Variants in RABGAP1L observed in about 807,000 individuals in gnomAD.
The protein encoded by RABGAP1L is RAB GTPase activating protein 1 like.
A neutral mutation model predicts 137.7 loss-of-function variants in RABGAP1L; 63 were observed. That is an observed-to-expected ratio of 0.46 (90% CI 0.37 to 0.56). RABGAP1L has a LOEUF of 0.56. Ranked by LOEUF, RABGAP1L falls within the 20% of genes least tolerant of loss-of-function variation. The pLI, the probability that RABGAP1L is intolerant of heterozygous loss-of-function variation, is 0.00. For missense variants in RABGAP1L, 1,095 were observed against 1,244.0 expected, an observed-to-expected ratio of 0.88 and a Z score of 1.80; for synonymous variants, 431 against 433.7, an observed-to-expected ratio of 0.99 and a Z score of 0.08.
intron 12 of RABGAP1L, among the ~76,000 whole-genome samples, chr1:174,383,022 G>C (rs1160960358): frequency 1.3e-5 from 2 of 151,178 alleles, no homozygotes; most frequent in Non-Finnish European, 2.9e-5. Flanking sequence ...AGGACCCTCA[G>C]CTGCAGGTCT....
rs181017811 is a variant in RABGAP1L, at chr1:174,718,310, C to A, written c.2169+16054C>A. Among the ~76,000 whole-genome samples the A allele has an allele frequency of 3.3e-5, 5 of 152,306 alleles. No individual in the cohort carries two copies. The East Asian group carries it at 9.7e-4, about 29-fold the overall frequency. Reference sequence around the variant, plus strand: ...CTTAGCACTAGTCCCTCAGGATCTACCGTATATAAGCCAAACAGACATTCT... The same window carrying A: ...CTTAGCACTAGTCCCTCAGGATCTAACGTATATAAGCCAAACAGACATTCT... On this transcript the variant is annotated intron_variant, in intron 17 of 25. Transcript: ENST00000681986.
rs185857755 is a variant in RABGAP1L, at chr1:174,409,458, C to T, written c.1710+15313C>T. Among the ~76,000 whole-genome samples the T allele has an allele frequency of 5.3e-5, 8 of 152,154 alleles. No homozygotes were observed. The East Asian group carries it at 5.8e-4, about 11-fold the overall frequency. ...GTAACTGTACAAATTGATTGTAAAA[C>T]GTGTGTTTGAACAATATGAAATCAG... is the stretch of plus-strand genomic sequence containing the variant. On this transcript the variant is annotated intron_variant, in intron 13 of 25. Coordinates refer to ENST00000681986, the MANE Select transcript of RABGAP1L (RefSeq NM_001366446.1).
At chr1:174,230,408 A>AT (rs1670547904) in intron 3 of RABGAP1L, among the ~76,000 whole-genome samples, 1 of 152,152 alleles carries the variant, frequency 6.6e-6, no homozygotes, top group South Asian at 2.1e-4. Context: ...AAAAAAAAGA[A>AT]TAAAAAAAAA....
chr1:174,434,194 A>G (rs1653001056), intron 13 of RABGAP1L, among the ~76,000 whole-genome samples: 1 of 151,606 alleles, frequency 6.6e-6, no homozygotes, highest in Non-Finnish European at 1.5e-5. Flanking sequence ...TTCAGCAAAA[A>G]TTAGTTTTTC....
intron 17 of RABGAP1L, among the ~76,000 whole-genome samples, chr1:174,709,856 G>T (rs991123029): frequency 1.2e-4 from 18 of 152,214 alleles, no homozygotes; most frequent in African/African-American, 3.9e-4. Context: ...GGCTTCAGAA[G>T]ATTGGTAATA....
intron 13 of RABGAP1L, among the ~76,000 whole-genome samples, chr1:174,541,943 C>T (rs1013931037): frequency 2.6e-5 from 4 of 152,274 alleles, no homozygotes; most frequent in African/African-American, 2.4e-5. Flanking sequence ...GGGATAAAGC[C>T]AACTTGATCG....
intron 19 of RABGAP1L, among the ~76,000 whole-genome samples, chr1:174,920,549 G>T (rs1377492521): frequency 6.6e-6 from 1 of 152,190 alleles, no homozygotes; most frequent in Non-Finnish European, 1.5e-5. Context: ...CTACTGTTAC[G>T]AGTTGAATTG....
intron 1 of RABGAP1L, among the ~76,000 whole-genome samples, chr1:174,208,853 G>A (rs1668676518): frequency 6.6e-6 from 1 of 152,138 alleles, no homozygotes; most frequent in Non-Finnish European, 1.5e-5. Flanking sequence ...TAAATGTTTG[G>A]TGGAGTTTAC....
intron 15 of RABGAP1L, among the ~76,000 whole-genome samples, chr1:174,694,897 T>C (rs971675358): frequency 1.3e-5 from 2 of 151,868 alleles, no homozygotes; most frequent in East Asian, 3.9e-4. Flanking sequence ...CCATTCTAAC[T>C]GGTGTGAGAT....
intron 15 of RABGAP1L, among the ~76,000 whole-genome samples, chr1:174,692,707 G>GTA (rs1678957831): frequency 6.6e-6 from 1 of 152,088 alleles, no homozygotes; most frequent in African/African-American, 2.4e-5. Context: ...GAGTATCCTT[G>GTA]TATAAAGCAC....
chr1:174,164,275 C>T (rs1201989645), intron 1 of RABGAP1L, among the ~76,000 whole-genome samples: 2 of 152,032 alleles, frequency 1.3e-5, no homozygotes, highest in African/African-American at 4.8e-5. Flanking sequence ...TTGTTACTCC[C>T]ATTTTTGAAG....
At chr1:174,714,090 G>T (rs576009162) in intron 17 of RABGAP1L, among the ~76,000 whole-genome samples, 1 of 151,704 alleles carries the variant, frequency 6.6e-6, no homozygotes, top group Non-Finnish European at 1.5e-5. Flanking sequence ...CCTGCTCTTT[G>T]TAGTGGAACA....
chr1:174,920,091 T>A (rs1661552696), intron 19 of RABGAP1L, among the ~76,000 whole-genome samples: 1 of 152,216 alleles, frequency 6.6e-6, no homozygotes, highest in Non-Finnish European at 1.5e-5. Flanking sequence ...CTTGTCCAGG[T>A]CATAATGCTA....
intron 11 of RABGAP1L, among the ~76,000 whole-genome samples, chr1:174,355,109 C>T (rs1683507634): frequency 6.6e-6 from 1 of 152,166 alleles, no homozygotes; most frequent in Admixed American, 6.5e-5. Context: ...CATCCCATTA[C>T]TGGGTATATA....
chr1:174,855,422 C>T lies in RABGAP1L; in HGVS notation c.2340+43462C>T, dbSNP rs527803205. 5.3e-5 allele frequency among the ~76,000 whole-genome samples: 8 copies of T among 152,276 alleles called. No individual in the cohort carries two copies. The East Asian group carries it at 1.5e-3, about 29-fold the overall frequency. ...GGAATAACTGTATCCTAGACATAAA[C>T]CAAGGGCAAGACATGGTTTTAGTTT... On this transcript the variant is annotated intron_variant, in intron 19 of 25. Coordinates refer to ENST00000681986, the MANE Select transcript of RABGAP1L (RefSeq NM_001366446.1).
At chr1:174,301,302 T>C (rs1456856053) in intron 10 of RABGAP1L, among the ~76,000 whole-genome samples, 3 of 151,024 alleles carry the variant, frequency 2.0e-5, no homozygotes, top group Non-Finnish European at 4.4e-5. Context: ...CCGAAGCCCC[T>C]GAGGGGGTGT....
chr1:174,271,325 G>A (rs929758920), intron 7 of RABGAP1L, among the ~76,000 whole-genome samples: 7 of 152,072 alleles, frequency 4.6e-5, no homozygotes, highest in Non-Finnish European at 8.8e-5. Flanking sequence ...GCTCATGTCA[G>A]CATTAGCCAT....
chr1:174,646,567 T>C (rs149099), intron 14 of RABGAP1L, among the ~76,000 whole-genome samples: 56,102 of 152,012 alleles, frequency 0.37, 13,634 homozygotes, highest in African/African-American at 0.69. Flanking sequence ...TCCATTGGTC[T>C]ATATATCTGT....
intron 13 of RABGAP1L, among the ~76,000 whole-genome samples, chr1:174,492,176 CTTTTTTTT>C (rs756360090): frequency 2.5e-5 from 3 of 119,986 alleles, no homozygotes; most frequent in Admixed American, 1.7e-4. Flanking sequence ...TGTCGAATTA[CTTTTTTTT>C]TTTTTTTTTT....
Sources: gnomAD v4.1 joint callset for allele counts (sites outside exome capture counted in the v4.1 genomes callset) on GRCh38, gnomAD v4.1.1 for gene constraint, MANE v1.5 for transcripts, NCBI Gene and HGNC (gene_info 2026-07-23, HGNC 2026-07-21) for gene names.